Variants in CDH12 observed in about 807,000 individuals in gnomAD.
The protein encoded by CDH12 is cadherin 12.
CDH12 carries 41 observed loss-of-function variants against 74.1 expected under a neutral mutation model. The ratio of observed to expected loss-of-function variants is 0.55; its 90% CI spans 0.43 to 0.72. The LOEUF is 0.72. Among genes scored for constraint, CDH12 ranks in the 30% least tolerant of loss-of-function variants. The probability of loss-of-function intolerance (pLI) is 0.00; values close to 1 mark genes in which losing one functional copy is unlikely to be tolerated. For synonymous variants in CDH12, 399 were observed against 355.0 expected (o/e 1.12, Z -1.39); for missense variants, 945 against 977.2 (o/e 0.97, Z 0.44).
intron 3 of CDH12, among the ~76,000 whole-genome samples, chr5:22,229,921 T>C (rs1752327255): frequency 6.6e-6 from 1 of 152,022 alleles, no homozygotes; most frequent in Non-Finnish European, 1.5e-5. Flanking sequence ...ATAAAGTACT[T>C]GTTACTTTTT....
intron 3 of CDH12, among the ~76,000 whole-genome samples, chr5:22,342,590 CCTTTCTCT>C (rs1356658721): frequency 1.5e-4 from 15 of 99,108 alleles, no homozygotes; most frequent in African/African-American, 2.9e-4. Flanking sequence ...ATCCTTCCTT[CCTTTCTCT>C]CTTTCTTACT....
chr5:22,795,064 T>C (rs1388418359), intron 1 of CDH12, among the ~76,000 whole-genome samples: 6 of 152,182 alleles, frequency 3.9e-5, no homozygotes, highest in Non-Finnish European at 8.8e-5. Context: ...CATGTTATTG[T>C]ATGATTTTGT....
chr5:22,786,012 C>T (rs148916250), intron 1 of CDH12, among the ~76,000 whole-genome samples: 1 of 152,164 alleles, frequency 6.6e-6, no homozygotes, highest in East Asian at 1.9e-4. Flanking sequence ...GAAACATACA[C>T]ATGTATGTTC....
At chr5:21,802,735 G>A (rs1180338101) in intron 9 of CDH12, among the ~76,000 whole-genome samples, 2 of 151,556 alleles carry the variant, frequency 1.3e-5, no homozygotes, top group South Asian at 2.1e-4. Flanking sequence ...GGGACTACAG[G>A]CGCCCGCCAC....
chr5:22,072,530 TTGTGTGTGTG>T (rs36214247), intron 5 of CDH12, among the ~76,000 whole-genome samples: 395 of 146,350 alleles, frequency 2.7e-3, no homozygotes, highest in African/African-American at 8.6e-3. Flanking sequence ...TATAGCACTT[TTGTGTGTGTG>T]TGTGTGTGTG....
chr5:22,084,273 C>T lies in CDH12; in HGVS notation c.-186-5411G>A, dbSNP rs1742927215. 2.6e-5 allele frequency among the ~76,000 whole-genome samples: 4 copies of T among 151,924 alleles called. No individual in the cohort carries two copies. The South Asian group carries it at 8.3e-4, about 32-fold the overall frequency. On this transcript the variant is annotated intron_variant, in intron 4 of 14. Coordinates refer to ENST00000382254, the MANE Select transcript of CDH12 (RefSeq NM_004061.5). ...GAACTGTGGATGTAGTTCTGGGGTC[C>T]GATAGATGAGATGGCAGCCTGTTTG...
chr5:22,365,871 TA>T (rs1406680587), intron 3 of CDH12, among the ~76,000 whole-genome samples: 1 of 152,202 alleles, frequency 6.6e-6, no homozygotes, highest in Non-Finnish European at 1.5e-5. Flanking sequence ...AGAGGAGCAT[TA>T]ACAGTTTATT....
intron 1 of CDH12, among the ~76,000 whole-genome samples, chr5:22,717,867 G>A (rs1037241749): frequency 6.6e-6 from 1 of 152,048 alleles, no homozygotes; most frequent in Non-Finnish European, 1.5e-5. Flanking sequence ...ATTTCAGACA[G>A]ACCTTGTGTC....
rs755815498 is a variant in CDH12 at position 21,765,013 on chromosome 5, C to G, written c.1480G>C (p.Glu494Gln). Residue 494 changes from glutamate (E) to glutamine (Q), a missense_variant, in exon 12 of 15, where the codon GAG becomes CAG. By Grantham distance (29) the Glu-to-Gln change is conservative. Coordinates refer to ENST00000382254, the MANE Select transcript of CDH12 (RefSeq NM_004061.5). ...EFPPEISVPY[E>Q]TAVCENAKPG... is the part of the protein sequence containing the mutation. ...TTGGCATTTTCACACACGGCTGTCT[C>G]ATATGGCACAGATATTTCTGGAGGA... 2 of 1,613,564 alleles carry G rather than the reference C, an allele frequency of 1.2e-6. No individual in the cohort carries two copies. Among genetic ancestry groups the G allele is most frequent in the South Asian group, 1.1e-5 (1 of 91,054 alleles).
intron 2 of CDH12, among the ~76,000 whole-genome samples, chr5:22,468,697 G>A (rs552546801): frequency 1.3e-5 from 2 of 152,008 alleles, no homozygotes; most frequent in South Asian, 2.1e-4. Context: ...TTAATTTTAT[G>A]TAAAATTTAT....
At chr5:22,555,335 C>T (rs2126740075) in intron 1 of CDH12, among the ~76,000 whole-genome samples, 2 of 152,048 alleles carry the variant, frequency 1.3e-5, no homozygotes, top group African/African-American at 4.8e-5. Flanking sequence ...TCAATACTTC[C>T]AAACTGAATC....
At chr5:22,482,389 T>C (rs1241130569) in intron 2 of CDH12, among the ~76,000 whole-genome samples, 1 of 152,154 alleles carries the variant, frequency 6.6e-6, no homozygotes, top group African/African-American at 2.4e-5. Flanking sequence ...GCAGATTTAT[T>C]ATCAAGAAAA....
intron 2 of CDH12, among the ~76,000 whole-genome samples, chr5:22,486,827 T>C (rs1746623265): frequency 6.6e-6 from 1 of 152,026 alleles, no homozygotes; most frequent in African/African-American, 2.4e-5. Flanking sequence ...GACATAATTA[T>C]GGGTAATTAT....
intron 2 of CDH12, among the ~76,000 whole-genome samples, chr5:22,421,821 C>G (rs968971785): frequency 6.6e-6 from 1 of 152,164 alleles, no homozygotes; most frequent in African/African-American, 2.4e-5. Flanking sequence ...AAAAGCATTC[C>G]TGTTTCCCCA....
intron 13 of CDH12, among the ~76,000 whole-genome samples, chr5:21,757,774 A>G (rs1021017170): frequency 2.6e-5 from 4 of 152,238 alleles, no homozygotes; most frequent in Admixed American, 2.6e-4. Flanking sequence ...GGTTTGGTGA[A>G]TGATGTGACT....
At chr5:22,623,565 T>C (rs1042771952) in intron 1 of CDH12, among the ~76,000 whole-genome samples, 21 of 152,168 alleles carry the variant, frequency 1.4e-4, no homozygotes, top group African/African-American at 4.8e-4. Flanking sequence ...CCATTCACAA[T>C]TGCTTCAAAG....
intron 4 of CDH12, among the ~76,000 whole-genome samples, chr5:22,171,298 G>A (rs1432113270): frequency 2.6e-5 from 4 of 151,902 alleles, no homozygotes; most frequent in East Asian, 1.9e-4. Flanking sequence ...ATTGGATAAT[G>A]TTCGTTAAGT....
At chr5:22,804,655 CAATGGT>C (rs1235760615) in intron 1 of CDH12, among the ~76,000 whole-genome samples, 1 of 152,174 alleles carries the variant, frequency 6.6e-6, no homozygotes, top group Non-Finnish European at 1.5e-5. Flanking sequence ...CACACATTAT[CAATGGT>C]AATCTTCTTT....
chr5:22,330,844 G>A (rs1344008457), intron 3 of CDH12, among the ~76,000 whole-genome samples: 4 of 151,924 alleles, frequency 2.6e-5, no homozygotes, highest in Non-Finnish European at 4.4e-5. Context: ...CAATAAGCAG[G>A]CCCTAGAAGT....
Sources: gnomAD v4.1 joint callset for allele counts (sites outside exome capture counted in the v4.1 genomes callset) on GRCh38, gnomAD v4.1.1 for gene constraint, MANE v1.5 for transcripts, NCBI Gene and HGNC (gene_info 2026-07-23, HGNC 2026-07-21) for gene names.